The following TLN2 variants were observed in gnomAD, a reference collection of about 807,000 sequenced individuals.
TLN2 encodes talin 2, also known as talin-2.
Under a neutral mutation model 294.7 loss-of-function variants are expected in TLN2, and 118 were observed. The ratio of observed to expected loss-of-function variants is 0.40; its 90% CI spans 0.34 to 0.47. The LOEUF (loss-of-function observed/expected upper bound fraction) is 0.47. Ranked by LOEUF, TLN2 falls within the 20% of genes least tolerant of loss-of-function variation. The pLI is 0.84. For missense variants in TLN2, 3,083 were observed against 3,282.2 expected (o/e 0.94, Z 1.48); for synonymous variants, 1,431 against 1,304.5 (o/e 1.10, Z -2.09).
intron 1 of TLN2, among the ~76,000 whole-genome samples, chr15:62,462,691 T>C (rs541596675): frequency 6.6e-6 from 1 of 152,288 alleles, no homozygotes; most frequent in South Asian, 2.1e-4. Flanking sequence ...GGCCTGGCGC[T>C]GTGGGTGTGG....
intron 11 of TLN2, among the ~76,000 whole-genome samples, chr15:62,677,405 C>T (rs1042053553): frequency 6.6e-6 from 1 of 152,192 alleles, no homozygotes; most frequent in African/African-American, 2.4e-5. Flanking sequence ...ACTGTTGTGC[C>T]TCTTGCATGT....
intron 55 of TLN2, 109 bp from the exon 56 acceptor site, chr15:62,835,627 AG>A (rs2069439367): frequency 8.5e-7 from 1 of 1,171,422 alleles, no homozygotes; most frequent in Admixed American, 1.7e-5. Flanking sequence ...TGTTGGCAGG[AG>A]GCACCAAGCG....
rs543508297 is a variant in TLN2 at position 62,635,896 on chromosome 15, C to G, written c.-36-11379C>G. 2.0e-5 allele frequency among the ~76,000 whole-genome samples: 3 copies of G among 152,224 alleles called. No individual in the cohort carries two copies. The South Asian group carries it at 6.2e-4, about 32-fold the overall frequency. On this transcript the variant is annotated intron_variant, in intron 3 of 58. Coordinates refer to ENST00000636159, the MANE Select transcript of TLN2 (RefSeq NM_015059.3). ...CACTGTATCGATTTCTCTATGTTCC[C>G]TTCCATTTTAAACAGCACACGTTAG...
chr15:62,763,904 G>A (rs1200225961), intron 40 of TLN2, among the ~76,000 whole-genome samples: 23 of 152,168 alleles, frequency 1.5e-4, no homozygotes, highest in Admixed American at 1.5e-3. Context: ...CTTGGGGGAA[G>A]GAATACAGGT....
intron 1 of TLN2, among the ~76,000 whole-genome samples, chr15:62,484,802 C>T (rs1185118899): frequency 6.6e-6 from 1 of 152,208 alleles, no homozygotes; most frequent in Non-Finnish European, 1.5e-5. Context: ...CACCTAACTT[C>T]TCAAAAGGGA....
At position 62,713,549 on chromosome 15, in the gene TLN2, C is replaced by T. The variant is rs555039610; in HGVS notation, c.2634+1472C>T. 1.5e-4 allele frequency among the ~76,000 whole-genome samples: 23 copies of T among 151,934 alleles called. No individual in the cohort carries two copies. In the South Asian group the frequency reaches 4.6e-3, roughly 30 times the overall value. ...CAAAAATTAGCCAGGCTTGGTGGCA[C>T]ATGCCTGTAATCCCAGCTACTAGGG... is the stretch of plus-strand genomic sequence containing the variant. On this transcript the variant is annotated intron_variant, in intron 22 of 58. Coordinates refer to ENST00000636159, the MANE Select transcript of TLN2 (RefSeq NM_015059.3).
intron 1 of TLN2, among the ~76,000 whole-genome samples, chr15:62,407,923 AAAATAAATAAATAAAT>A (rs10626679): frequency 1.3e-5 from 2 of 148,534 alleles, no homozygotes; most frequent in East Asian, 2.0e-4. Context: ...ACTCTGTCTC[AAAATAAATAAATAAAT>A]AAATAAATAA....
chr15:62,773,003 G>C (rs1220279992), intron 42 of TLN2, among the ~76,000 whole-genome samples: 1 of 152,060 alleles, frequency 6.6e-6, no homozygotes, highest in Non-Finnish European at 1.5e-5. Context: ...TGCTTGGACT[G>C]TAAGTTCAGA....
chr15:62,816,075 C>T (rs892188771), intron 52 of TLN2, among the ~76,000 whole-genome samples: 11 of 152,230 alleles, frequency 7.2e-5, no homozygotes, highest in Admixed American at 3.9e-4. Flanking sequence ...ACCCACAAAA[C>T]CTAGTTAGAA....
chr15:62,743,237 G>A (rs2061437013), intron 32 of TLN2, among the ~76,000 whole-genome samples: 1 of 152,070 alleles, frequency 6.6e-6, no homozygotes, highest in African/African-American at 2.4e-5. Flanking sequence ...GAGACTGTCA[G>A]GTCCTGCCTG....
chr15:62,548,816 T>C (rs1186685964), intron 1 of TLN2, among the ~76,000 whole-genome samples: 2 of 152,134 alleles, frequency 1.3e-5, no homozygotes, highest in African/African-American at 4.8e-5. Context: ...CAGAAAGGAA[T>C]GGTAGGATGG....
chr15:62,722,283 C>T (rs1255184518), intron 25 of TLN2, 70 bp from the exon 26 acceptor site: 1 of 1,490,008 alleles, frequency 6.7e-7, no homozygotes, highest in Admixed American at 2.1e-5. Context: ...GGAGACCTCG[C>T]TGCTTAGGTC....
intron 45 of TLN2, among the ~76,000 whole-genome samples, chr15:62,786,770 G>T (rs1205715207): frequency 6.6e-6 from 1 of 152,144 alleles, no homozygotes; most frequent in Non-Finnish European, 1.5e-5. Flanking sequence ...GCTGGAGGTG[G>T]GAAAATGATG....
At chr15:62,455,968 G>A (rs2036453792) in intron 1 of TLN2, among the ~76,000 whole-genome samples, 1 of 152,080 alleles carries the variant, frequency 6.6e-6, no homozygotes, top group Non-Finnish European at 1.5e-5. Context: ...CTGCTCCTGG[G>A]GGTTACGAGT....
In TLN2 at chr15:62,656,069, A is replaced by AAGTTC; in HGVS notation, c.644_645insGTTCA (p.Asn215LysfsTer14). 2 of 1,614,180 alleles carry AAGTTC rather than the reference A, an allele frequency of 1.2e-6. No homozygotes were observed. The highest frequency in any genetic ancestry group is 1.7e-6 in the Non-Finnish European group (2 of 1,180,028). On this transcript the variant is annotated frameshift_variant, in exon 8 of 59. Coordinates refer to ENST00000636159, the MANE Select transcript of TLN2 (RefSeq NM_015059.3). LOFTEE classifies it high-confidence loss of function. ...AGATTCGAGAGACCCCGTGCAGCTG[A>AAGTTC]ACTTGCTTTATGTTCAGGTACAGTA... is the stretch of plus-strand genomic sequence containing the variant.
At chr15:62,727,433 T>C (rs547978714) in intron 28 of TLN2, among the ~76,000 whole-genome samples, 1 of 152,210 alleles carries the variant, frequency 6.6e-6, no homozygotes, top group African/African-American at 2.4e-5. Context: ...AAATAGTAAT[T>C]GTAGACTTCC....
chr15:62,442,991 C>T (rs1452957137), intron 1 of TLN2, among the ~76,000 whole-genome samples: 3 of 152,212 alleles, frequency 2.0e-5, no homozygotes, highest in African/African-American at 7.2e-5. Flanking sequence ...CCTGTCCTTC[C>T]ACTGTCCCAC....
Position 62,805,018 on chromosome 15 carries a change from G to A in TLN2, c.6478-582G>A, listed in dbSNP as rs79893763. Among the ~76,000 whole-genome samples the A allele has an allele frequency of 1.0e-3, 155 of 152,262 alleles. 1 individual carries two copies. The highest frequency in any genetic ancestry group is 3.5e-3 in the African/African-American group (144 of 41,546). On this transcript the variant is annotated intron_variant, in intron 50 of 58. Coordinates refer to ENST00000636159, the MANE Select transcript of TLN2 (RefSeq NM_015059.3). Reference sequence around the variant, plus strand: ...CTCTCTAAAGGGGGTGGGTCGGTGGGTTGCTAAATAATTCACAGTGTCACC... The same window carrying A: ...CTCTCTAAAGGGGGTGGGTCGGTGGATTGCTAAATAATTCACAGTGTCACC...
intron 1 of TLN2, among the ~76,000 whole-genome samples, chr15:62,442,376 C>T (rs1182672035): frequency 6.6e-6 from 1 of 151,480 alleles, no homozygotes; most frequent in Non-Finnish European, 1.5e-5. Context: ...TGCCTGTAAT[C>T]CCAGCTACTC....
Sources: gnomAD v4.1 joint callset for allele counts (sites outside exome capture counted in the v4.1 genomes callset) on GRCh38, gnomAD v4.1.1 for gene constraint, MANE v1.5 for transcripts, NCBI Gene and HGNC (gene_info 2026-07-23, HGNC 2026-07-21) for gene names.